The following KCNJ12 variants were observed in gnomAD, a reference collection of about 807,000 sequenced individuals.
KCNJ12 encodes ATP-sensitive inward rectifier potassium channel 12.
Under a neutral mutation model 22.3 loss-of-function variants are expected in KCNJ12, and 2 were observed. The observed-to-expected ratio is 0.09, with a 90% CI of 0.04 to 0.28. KCNJ12 has a LOEUF of 0.28. Among genes scored for constraint, KCNJ12 ranks in the 10% least tolerant of loss-of-function variants. KCNJ12 has a pLI of 1.00. For missense variants in KCNJ12, 155 were observed against 633.3 expected (o/e 0.24, Z 8.11); for synonymous variants, 117 against 261.4 (o/e 0.45, Z 5.33).
At chr17:21,383,083 A>T (rs1904935471) in intron 1 of KCNJ12, among the ~76,000 whole-genome samples, 1 of 151,856 alleles carries the variant, frequency 6.6e-6, no homozygotes. Flanking sequence ...GGGGCCGGGG[A>T]GAAGGGAGCA....
chr17:21,397,351 A>T (rs1905402099), intron 1 of KCNJ12, among the ~76,000 whole-genome samples: 1 of 152,252 alleles, frequency 6.6e-6, no homozygotes. Context: ...AGGAGGCCTC[A>T]GCTTCTCTTG....
At chr17:21,392,164 C>T (rs1262841692) in intron 1 of KCNJ12, among the ~76,000 whole-genome samples, 1 of 152,196 alleles carries the variant, frequency 6.6e-6, no homozygotes. Flanking sequence ...GCCTTCGTGT[C>T]CCCAGGTGTG....
chr17:21,414,526 G>A (rs1906573913), intron 2 of KCNJ12, among the ~76,000 whole-genome samples: 2 of 152,306 alleles, frequency 1.3e-5, no homozygotes, highest in Admixed American at 6.5e-5. Flanking sequence ...TACCCTTAGG[G>A]AGTGGTGGTC....
intron 1 of KCNJ12, among the ~76,000 whole-genome samples, chr17:21,404,420 G>C (rs62049464): frequency 6.6e-6 from 1 of 152,294 alleles, no homozygotes; most frequent in South Asian, 2.1e-4. Flanking sequence ...GGCCCAGCGA[G>C]TTGTGACTGC....
chr17:21,405,966 T>C (rs1905903075), intron 1 of KCNJ12, among the ~76,000 whole-genome samples: 1 of 152,304 alleles, frequency 6.6e-6, no homozygotes, highest in Non-Finnish European at 1.5e-5. Flanking sequence ...GCTGGATTTG[T>C]GGTCTGGGGA....
intron 1 of KCNJ12, among the ~76,000 whole-genome samples, chr17:21,391,747 G>GTGGA (rs1555559335): frequency 6.6e-6 from 1 of 152,226 alleles, no homozygotes; most frequent in Non-Finnish European, 1.5e-5. Context: ...CTTGGGGTCT[G>GTGGA]TGGGCACCTG....
chr17:21,418,285 C>T lies in KCNJ12; in HGVS notation c.*1641C>T, dbSNP rs1216092493. 1 of 143,778 alleles carries T rather than the reference C, an allele frequency of 7.0e-6. No individual in the cohort carries two copies. The highest frequency in any genetic ancestry group is 1.5e-5 in the Non-Finnish European group (1 of 65,758). 8.9% of individuals were successfully genotyped at this position (143,778 alleles called of 1,614,324 possible). The stretch of plus-strand genomic sequence containing the variant: ...TGTGTCTCCTGCTCCAACTCTGCCC[C>T]CGAGACAGCTCAGAGCCAGAAGGCA... On this transcript the variant is annotated 3_prime_UTR_variant, in exon 3 of 3. Coordinates refer to ENST00000583088, the MANE Select transcript of KCNJ12 (RefSeq NM_021012.5).
chr17:21,396,844 C>T (rs1223311611), intron 1 of KCNJ12, among the ~76,000 whole-genome samples: 7 of 152,140 alleles, frequency 4.6e-5, no homozygotes, highest in Non-Finnish European at 8.8e-5. Context: ...GCCGTGGGGA[C>T]GGACTGTGCA....
At position 21,416,635 on chromosome 17, in the gene KCNJ12, A is replaced by G. The variant is rs782171551; in HGVS notation, c.1293A>G (p.Ser431=). Residue 431 remains serine, a synonymous_variant, in exon 3 of 3, where the codon TCA becomes TCG. Coordinates refer to ENST00000583088, the MANE Select transcript of KCNJ12 (RefSeq NM_021012.5). ...VLEQRPYRRE[S]EI ...AGCAGCGGCCCTACAGACGGGAGTC[A>G]GAGATCTGAGCCAACCTTGGCCGAC... 3.1e-6 allele frequency: 5 copies of G among 1,605,990 alleles called. No individual in the cohort carries two copies. The highest frequency in any genetic ancestry group is 3.4e-6 in the Non-Finnish European group (4 of 1,177,072).
intron 1 of KCNJ12, among the ~76,000 whole-genome samples, chr17:21,403,729 G>A (rs1905767052): frequency 6.6e-6 from 1 of 152,238 alleles, no homozygotes; most frequent in Admixed American, 6.5e-5. Context: ...GGGAGGACAG[G>A]GAGTTCCCAG....
rs1366522018 is a variant in KCNJ12 at position 21,419,083 on chromosome 17, T to C, written c.*2439T>C. ...TATTTATTTATTTATTTATTGCTTGTGCTAAAGACCAAAATAGTCTCCCTC... is the reference window on the plus strand; with the variant it reads ...TATTTATTTATTTATTTATTGCTTGCGCTAAAGACCAAAATAGTCTCCCTC... On this transcript the variant is annotated 3_prime_UTR_variant, in exon 3 of 3. Transcript: ENST00000583088. The C allele has an allele frequency of 6.0e-6, 1 of 166,944 alleles. No individual in the cohort carries two copies. The highest frequency in any genetic ancestry group is 2.4e-5 in the African/African-American group (1 of 41,402). 10.3% of individuals were successfully genotyped at this position (166,944 alleles called of 1,614,324 possible). A position where few individuals can be genotyped will look rare whatever the true frequency, so the allele number is the denominator to read the frequency against.
chr17:21,378,207 C>G (rs1904736630), intron 1 of KCNJ12, among the ~76,000 whole-genome samples: 1 of 152,248 alleles, frequency 6.6e-6, no homozygotes, highest in South Asian at 2.1e-4. Context: ...CTGCGCTGCA[C>G]CTCCGCGGCC....
intron 1 of KCNJ12, among the ~76,000 whole-genome samples, chr17:21,386,711 C>T (rs6587148): frequency 0.63 from 95,658 of 151,874 alleles, 30,659 homozygotes; most frequent in African/African-American, 0.72. Flanking sequence ...TTTCACCATG[C>T]TGGCCAGGAT....
At chr17:21,409,472 T>G (rs1172536838) in intron 2 of KCNJ12, among the ~76,000 whole-genome samples, 5 of 152,356 alleles carry the variant, frequency 3.3e-5, no homozygotes, top group South Asian at 2.1e-4. Context: ...GGAAATGAGG[T>G]GAGAAAGAGA....
intron 1 of KCNJ12, among the ~76,000 whole-genome samples, chr17:21,378,834 C>T (rs1004870653): frequency 2.6e-5 from 4 of 152,114 alleles, no homozygotes; most frequent in Non-Finnish European, 5.9e-5. Flanking sequence ...GGACACTCCC[C>T]CTGCAGCTAC....
At chr17:21,409,866 C>T (rs1195749155) in intron 2 of KCNJ12, among the ~76,000 whole-genome samples, 2 of 152,206 alleles carry the variant, frequency 1.3e-5, no homozygotes, top group African/African-American at 2.4e-5. Flanking sequence ...CATAGGAAGC[C>T]GTCATGGCAT....
intron 1 of KCNJ12, among the ~76,000 whole-genome samples, chr17:21,397,913 C>T (rs11650558): frequency 0.42 from 63,398 of 152,026 alleles, 16,014 homozygotes; most frequent in Non-Finnish European, 0.55. Flanking sequence ...CCCCTCCCTT[C>T]TCCTTTTCTT....
In KCNJ12 at chr17:21,388,872, C is replaced by T. The variant is rs182434954; in HGVS notation, c.-179+11959C>T. 1.5e-3 allele frequency among the ~76,000 whole-genome samples: 224 copies of T among 152,244 alleles called. 1 individual carries two copies. The highest frequency in any genetic ancestry group is 5.2e-3 in the African/African-American group (217 of 41,540). On this transcript the variant is annotated intron_variant, in intron 1 of 2. Coordinates refer to ENST00000583088, the MANE Select transcript of KCNJ12 (RefSeq NM_021012.5). ...AAAGAAGGCCCCGCTGGGCCCCCCC[C>T]GAGGGAAGGTAGAGACATCCTGGGC... is the stretch of plus-strand genomic sequence containing the variant.
chr17:21,381,047 C>A (rs1349808594), intron 1 of KCNJ12, among the ~76,000 whole-genome samples: 5 of 152,250 alleles, frequency 3.3e-5, no homozygotes, highest in African/African-American at 1.2e-4. Flanking sequence ...GACATGGTTC[C>A]ATTTGCTTGG....
Sources: gnomAD v4.1 joint callset for allele counts (sites outside exome capture counted in the v4.1 genomes callset) on GRCh38, gnomAD v4.1.1 for gene constraint, MANE v1.5 for transcripts, NCBI Gene and HGNC (gene_info 2026-07-23, HGNC 2026-07-21) for gene names.